The following BMP2K variants were observed in gnomAD, a reference collection of about 807,000 sequenced individuals.
BMP2K encodes BMP-2-inducible protein kinase.
A neutral mutation model predicts 116.0 loss-of-function variants in BMP2K; 74 were observed. That is an observed-to-expected ratio of 0.64 (90% CI 0.53 to 0.77). The LOEUF (loss-of-function observed/expected upper bound fraction) is 0.77, where lower values mean the gene tolerates loss of function less well. BMP2K is among the 30% of genes least tolerant of loss of function. The pLI, the probability that BMP2K is intolerant of heterozygous loss-of-function variation, is 0.00. For missense variants in BMP2K, 1,365 were observed against 1,403.6 expected, an observed-to-expected ratio of 0.97 and a Z score of 0.44; for synonymous variants, 486 against 502.5, an observed-to-expected ratio of 0.97 and a Z score of 0.44.
intron 7 of BMP2K, among the ~76,000 whole-genome samples, chr4:78,854,990 G>A (rs1731436668): frequency 6.6e-6 from 1 of 152,086 alleles, no homozygotes; most frequent in African/African-American, 2.4e-5. Flanking sequence ...TTTCCTTGGA[G>A]CTTTTCAATC....
At chr4:78,781,493 G>C (rs1298255637) in intron 1 of BMP2K, among the ~76,000 whole-genome samples, 1 of 151,708 alleles carries the variant, frequency 6.6e-6, no homozygotes, top group Non-Finnish European at 1.5e-5. Context: ...GATGTGTTTG[G>C]ATGAGATATC....
chr4:78,854,028 T>C (rs1360576449), intron 7 of BMP2K, among the ~76,000 whole-genome samples: 2 of 152,008 alleles, frequency 1.3e-5, no homozygotes, highest in Non-Finnish European at 2.9e-5. Flanking sequence ...GTTTTATGGG[T>C]TAATGGTGGA....
Position 78,872,750 on chromosome 4 carries a change from T to A in BMP2K, c.1745T>A (p.Leu582His), listed in dbSNP as rs1479964647. 1 of 1,614,036 alleles carries A rather than the reference T, an allele frequency of 6.2e-7. No individual in the cohort carries two copies. Among genetic ancestry groups the A allele is most frequent in the Non-Finnish European group, 8.5e-7 (1 of 1,179,998 alleles). Reference protein sequence around the residue: ...SPALVSYTSSLPAQVGTIMDS... With the variant: ...SPALVSYTSSHPAQVGTIMDS... ...GCCTTAGTTTCCTACACTTCATCAC[T>A]TCCAGCTCAGGTTGGAACCATAATG... is the stretch of plus-strand genomic sequence containing the variant. Residue 582 changes from leucine (L) to histidine (H), a missense_variant, in exon 13 of 16, where the codon CTT becomes CAT. Physicochemically the swap from Leu to His is moderately conservative, Grantham distance 99. Transcript: ENST00000502613.
At chr4:78,901,260 T>A (rs1275058270) in intron 15 of BMP2K, among the ~76,000 whole-genome samples, 1 of 148,712 alleles carries the variant, frequency 6.7e-6, no homozygotes, top group East Asian at 2.0e-4. Context: ...TAGGTCTTAC[T>A]ATGTTGCCTA....
chr4:78,899,614 G>T (rs1733891895), intron 15 of BMP2K, among the ~76,000 whole-genome samples: 1 of 151,828 alleles, frequency 6.6e-6, no homozygotes. Context: ...GAGAAAGAAG[G>T]ACCATAGAAA....
chr4:78,829,400 TTG>T (rs1296877153), intron 2 of BMP2K, among the ~76,000 whole-genome samples: 100 of 139,372 alleles, frequency 7.2e-4, no homozygotes, highest in African/African-American at 2.8e-3. Flanking sequence ...TTATAGTTTT[TTG>T]TTTTTTTTTT....
intron 2 of BMP2K, among the ~76,000 whole-genome samples, chr4:78,829,812 C>CTT (rs1730111988): frequency 1.4e-5 from 2 of 138,542 alleles, no homozygotes; most frequent in Admixed American, 1.4e-4. Flanking sequence ...CTTCTCTTCT[C>CTT]TTCTCTTCTC....
At chr4:78,797,007 A>G (rs371982178) in intron 1 of BMP2K, among the ~76,000 whole-genome samples, 1 of 152,200 alleles carries the variant, frequency 6.6e-6, no homozygotes, top group Non-Finnish European at 1.5e-5. Flanking sequence ...GGGAGTTGTG[A>G]TGAGGGGCCC....
intron 1 of BMP2K, among the ~76,000 whole-genome samples, chr4:78,779,176 G>A (rs1727387533): frequency 1.3e-5 from 2 of 152,176 alleles, no homozygotes; most frequent in Admixed American, 6.5e-5. Flanking sequence ...CTACTATGGT[G>A]TTAGATTCCT....
chr4:78,892,425 G>A (rs1190129741), intron 15 of BMP2K, among the ~76,000 whole-genome samples: 1 of 152,132 alleles, frequency 6.6e-6, no homozygotes, highest in African/African-American at 2.4e-5. Context: ...GATCTATTCT[G>A]ATATTCCGTT....
intron 10 of BMP2K, among the ~76,000 whole-genome samples, chr4:78,868,330 C>T (rs983680305): frequency 6.6e-6 from 1 of 152,116 alleles, no homozygotes; most frequent in African/African-American, 2.4e-5. Context: ...TATTCACTAT[C>T]ACAAGAAAGA....
intron 1 of BMP2K, among the ~76,000 whole-genome samples, chr4:78,798,423 C>T (rs1728403926): frequency 6.6e-6 from 1 of 152,192 alleles, no homozygotes; most frequent in Non-Finnish European, 1.5e-5. Flanking sequence ...CATATGTAGT[C>T]TCATCAAGGG....
chr4:78,779,226 A>G (rs1358663130), intron 1 of BMP2K, among the ~76,000 whole-genome samples: 1 of 152,214 alleles, frequency 6.6e-6, no homozygotes, highest in East Asian at 1.9e-4. Flanking sequence ...ACTGATCAAG[A>G]TACAACCTTG....
At chr4:78,830,721 C>T (rs1223731164) in intron 2 of BMP2K, among the ~76,000 whole-genome samples, 10 of 152,276 alleles carry the variant, frequency 6.6e-5, no homozygotes, top group African/African-American at 2.4e-4. Flanking sequence ...CCTCATGAAC[C>T]AACCTCTGCT....
intron 1 of BMP2K, among the ~76,000 whole-genome samples, chr4:78,813,138 A>G (rs931072049): frequency 1.3e-5 from 2 of 151,786 alleles, no homozygotes; most frequent in African/African-American, 4.9e-5. Flanking sequence ...TTGTTCTTCT[A>G]TTTCCTCAGT....
intron 7 of BMP2K, among the ~76,000 whole-genome samples, chr4:78,858,809 G>A (rs1731628138): frequency 6.6e-6 from 1 of 151,814 alleles, no homozygotes; most frequent in Non-Finnish European, 1.5e-5. Context: ...GGTAGACTTT[G>A]AGATGTCTTA....
In BMP2K at chr4:78,887,180, T is replaced by C. The variant is rs752276478; in HGVS notation, c.1958T>C (p.Leu653Pro). The C allele has an allele frequency of 1.4e-5, 23 of 1,600,304 alleles. No individual in the cohort carries two copies. In the East Asian group the frequency reaches 4.5e-4, roughly 31 times the overall value. The change falls in exon 15 of 16, where the codon CTC becomes CCC. Residue 653 changes from leucine (L) to proline (P), a missense_variant. Around this residue, in one of 3 missense-constraint regions of BMP2K, gnomAD observed 596 missense variants for 623.2 expected, o/e 0.96. Coordinates refer to ENST00000502613, the MANE Select transcript of BMP2K (RefSeq NM_198892.2). ...TTTCATCTTATTTTTGCAGATAGGC[T>C]CGAGGAGAGAGCATCCTCAGATAAG... ...REFDLLRSNR[L>P]EERASSDKNV...
intron 5 of BMP2K, among the ~76,000 whole-genome samples, chr4:78,846,355 A>G (rs1278512460): frequency 6.6e-6 from 1 of 151,644 alleles, no homozygotes; most frequent in Non-Finnish European, 1.5e-5. Flanking sequence ...ATTCCTCCAC[A>G]GTAGTAGTAT....
At chr4:78,803,627 C>T (rs1728679362) in intron 1 of BMP2K, among the ~76,000 whole-genome samples, 1 of 152,200 alleles carries the variant, frequency 6.6e-6, no homozygotes, top group African/African-American at 2.4e-5. Context: ...GATCCACCCA[C>T]CTCAGCCTCC....
Sources: allele counts gnomAD v4.1 joint callset (sites outside exome capture counted in the v4.1 genomes callset), GRCh38; gene constraint gnomAD v4.1.1; regional missense constraint gnomAD v4.1.1; transcripts MANE v1.5; gene names NCBI Gene and HGNC (gene_info 2026-07-23, HGNC 2026-07-21).